The following HPN variants were observed in gnomAD, a reference collection of about 807,000 sequenced individuals.
HPN encodes the protein serine protease hepsin.
Under a neutral mutation model 55.9 loss-of-function variants are expected in HPN, and 13 were observed. That is an observed-to-expected ratio of 0.23 (90% CI 0.15 to 0.37). The LOEUF (loss-of-function observed/expected upper bound fraction) is 0.37, where lower values mean the gene tolerates loss of function less well. HPN is among the 10% of genes least tolerant of loss of function. The pLI is 1.00. For missense variants in HPN, 451 were observed against 575.8 expected, an observed-to-expected ratio of 0.78 and a Z score of 2.22; for synonymous variants, 225 against 240.3, an observed-to-expected ratio of 0.94 and a Z score of 0.59.
In HPN at chr19:35,065,360, C is replaced by T. The variant is rs2064593575; in HGVS notation, c.907+15C>T. 6.2e-7 allele frequency: 1 copy of T among 1,604,342 alleles called. No homozygotes were observed. On this transcript the variant is annotated intron_variant, in intron 10 of 12. Coordinates refer to ENST00000672452, the MANE Select transcript of HPN (RefSeq NM_001384133.1). Reference sequence around the variant, plus strand: ...GCAGTACTATGGTGAGTCCTGTCCTCTGCCTCTGATGCCACCGTTTGGGAG... The same window carrying T: ...GCAGTACTATGGTGAGTCCTGTCCTTTGCCTCTGATGCCACCGTTTGGGAG...
Position 35,059,890 on chromosome 19 carries a change from G to T in HPN, c.307G>T (p.Glu103Ter). ...MGFLRALTHS[E>*]LDVRTAGANG... ...CCCGCCCAGGGCACTGACCCACTCC[G>T]AGCTGGACGTGCGAACGGCGGGCGC... The change falls in exon 6 of 13, where the codon GAG (glutamate) becomes TAG (stop). Residue 103 changes from glutamate (E) to a stop codon, truncating the protein, a stop_gained. Coordinates refer to ENST00000672452, the MANE Select transcript of HPN (RefSeq NM_001384133.1). LOFTEE classifies it high-confidence loss of function. The T allele has an allele frequency of 6.6e-7, 1 of 1,506,884 alleles. No individual in the cohort carries two copies. The highest frequency in any genetic ancestry group is 8.9e-7 in the Non-Finnish European group (1 of 1,127,930). The allele number at this position is 1,506,884 out of a possible 1,614,324, so 93.3% of individuals were successfully genotyped here.
intron 4 of HPN, among the ~76,000 whole-genome samples, chr19:35,058,379 C>T (rs2151763409): frequency 6.7e-6 from 1 of 149,174 alleles, no homozygotes; most frequent in South Asian, 2.1e-4. Context: ...GAGGTTTCAT[C>T]ATCTTGGCCA....
chr19:35,059,215 AT>A (rs2064494048), intron 4 of HPN: 1 of 323,852 alleles, frequency 3.1e-6, no homozygotes, highest in Non-Finnish European at 6.0e-6. Flanking sequence ...TAATCCCAGC[AT>A]TTTAGGAGGC....
chr19:35,053,426 C>T (rs2064423956), intron 4 of HPN, among the ~76,000 whole-genome samples: 1 of 152,036 alleles, frequency 6.6e-6, no homozygotes, highest in Admixed American at 6.5e-5. Context: ...CCAGGCATTC[C>T]CTGCCCCAAC....
At chr19:35,046,988 C>T (rs2064348368) in intron 2 of HPN, among the ~76,000 whole-genome samples, 1 of 152,106 alleles carries the variant, frequency 6.6e-6, no homozygotes, top group South Asian at 2.1e-4. Context: ...GCCACTGCGC[C>T]CGGCTAATTT....
At chr19:35,048,072 GA>G in intron 2 of HPN, among the ~76,000 whole-genome samples, 1 of 57,156 alleles carries the variant, frequency 1.7e-5, no homozygotes, top group African/African-American at 7.2e-5. Context: ...AAGAAAGAAA[GA>G]AAGAAAGAAA....
chr19:35,053,541 A>G (rs1300484669), intron 4 of HPN, among the ~76,000 whole-genome samples: 1 of 152,148 alleles, frequency 6.6e-6, no homozygotes, highest in Non-Finnish European at 1.5e-5. Context: ...ACTTGAGGTC[A>G]GGAGACCAGC....
chr19:35,055,515 C>T (rs2151761277), intron 4 of HPN, among the ~76,000 whole-genome samples: 1 of 152,276 alleles, frequency 6.6e-6, no homozygotes, highest in Admixed American at 6.5e-5. Flanking sequence ...TCTTTTCAGG[C>T]TCAGGCCAAA....
At chr19:35,065,758 C>T (rs1361789170) in intron 11 of HPN, 77 bp downstream of exon 11, 2 of 1,597,020 alleles carry the variant, frequency 1.3e-6, no homozygotes, top group Admixed American at 1.7e-5. Context: ...GGTGGTCAGG[C>T]TCCCCATCTA....
At chr19:35,041,688 T>TCCCCCCCCCCC, upstream of HPN, 1 of 638,112 alleles carries the variant, frequency 1.6e-6, no homozygotes. Context: ...CCCCGCCCCT[T>TCCCCCCCCCCC]CACCCGCCCC....
At position 35,065,591 on chromosome 19, in the gene HPN, T is replaced by G; in HGVS notation, c.960T>G (p.Asp320Glu). Residue 320 changes from aspartate to glutamate, a missense_variant, in exon 11 of 13, where the codon GAT (aspartate) becomes GAG (glutamate). Asp to Glu is a conservative substitution (Grantham distance 45, BLOSUM62 2). Around this residue, in one of 2 missense-constraint regions of HPN, gnomAD observed 378 missense variants for 445.5 expected, o/e 0.85. Coordinates refer to ENST00000672452, the MANE Select transcript of HPN (RefSeq NM_001384133.1). ...QEARVPIISN[D>E]VCNGADFYGN... ...CTCGAGTCCCCATAATCAGCAATGATGTCTGCAATGGCGCTGACTTCTATG... is the reference window on the plus strand; with the variant it reads ...CTCGAGTCCCCATAATCAGCAATGAGGTCTGCAATGGCGCTGACTTCTATG... 1.2e-6 allele frequency: 2 copies of G among 1,614,190 alleles called. No homozygotes were observed. The highest frequency in any genetic ancestry group is 1.7e-6 in the Non-Finnish European group (2 of 1,180,022).
rs751977724 is a variant in HPN at position 35,059,750 on chromosome 19, C to A, written c.238C>A (p.Arg80Ser). 1.3e-6 allele frequency: 2 copies of A among 1,591,152 alleles called. No homozygotes were observed. The highest frequency in any genetic ancestry group is 8.5e-7 in the Non-Finnish European group (1 of 1,169,688). ...EGTWRLLCSS[R>S]SNARVAGLSC... The stretch of plus-strand genomic sequence containing the variant: ...GACGTGGCGGCTGCTGTGCTCCTCG[C>A]GCTCCAACGCCAGGGTAGCCGGACT... Residue 80 changes from arginine (R) to serine (S), a missense_variant, in exon 5 of 13, where the codon CGC becomes AGC. Arg to Ser is a moderately radical substitution (Grantham distance 110). This residue lies in a region of HPN where 378 missense variants were observed against 445.5 expected (regional missense o/e 0.85). Transcript: ENST00000672452.
upstream of HPN, chr19:35,041,690 A>AAAAC (rs2064295081): frequency 1.3e-4 from 100 of 773,154 alleles, no homozygotes; most frequent in African/African-American, 1.9e-4. Flanking sequence ...CCGCCCCTTC[A>AAAAC]CCCGCCCCTC....
intron 9 of HPN, among the ~76,000 whole-genome samples, chr19:35,061,629 G>A (rs1484234100): frequency 6.6e-6 from 1 of 151,938 alleles, no homozygotes; most frequent in African/African-American, 2.4e-5. Flanking sequence ...AAAAAAATGT[G>A]GTATATCCAC....
chr19:35,051,817 G>A (rs1469027106), intron 4 of HPN, among the ~76,000 whole-genome samples: 2 of 152,224 alleles, frequency 1.3e-5, no homozygotes, highest in East Asian at 3.8e-4. Context: ...GCATTTGGGG[G>A]AAATTGAGTC....
chr19:35,048,696 C>A (rs796603004), intron 2 of HPN, among the ~76,000 whole-genome samples: 10 of 152,060 alleles, frequency 6.6e-5, no homozygotes, highest in African/African-American at 2.4e-4. Context: ...GAGTTTGAGA[C>A]CAGCCTGGGC....
At chr19:35,042,617 C>T in intron 2 of HPN, 95 bp downstream of exon 2, 1 of 1,017,656 alleles carries the variant, frequency 9.8e-7, no homozygotes. Flanking sequence ...AGCCCCCTCT[C>T]TCTGGGCACC....
chr19:35,053,678 G>A (rs1355326457), intron 4 of HPN, among the ~76,000 whole-genome samples: 1 of 152,246 alleles, frequency 6.6e-6, no homozygotes, highest in East Asian at 1.9e-4. Context: ...TCAGGAGGCA[G>A]AGGTTGCAGT....
Position 35,041,874 on chromosome 19 carries a change from T to C in HPN, c.-55+2T>C, listed in dbSNP as rs1248340582. On this transcript the variant is annotated splice_donor_variant, in intron 1 of 12. Transcript: ENST00000672452. LOFTEE classifies it low-confidence loss of function (5UTR_SPLICE). ...CGCCCCCACCTGCTGGACCCCAGGG[T>C]AAGGACAAGGGCCCCCAGACTCACA... The C allele has an allele frequency of 7.5e-7, 1 of 1,339,522 alleles. No individual in the cohort carries two copies. 83.0% of individuals were successfully genotyped at this position (1,339,522 alleles called of 1,614,324 possible). A position where few individuals can be genotyped will look rare whatever the true frequency, so the allele number is the denominator to read the frequency against.
Sources: gnomAD v4.1 joint callset for allele counts (sites outside exome capture counted in the v4.1 genomes callset) on GRCh38, gnomAD v4.1.1 for gene constraint, gnomAD v4.1.1 regional missense constraint, MANE v1.5 for transcripts, NCBI Gene and HGNC (gene_info 2026-07-23, HGNC 2026-07-21) for gene names.